The following EFNB2 variants were observed in gnomAD, a reference collection of about 807,000 sequenced individuals.
EFNB2 encodes the protein ephrin B2.
A neutral mutation model predicts 32.1 loss-of-function variants in EFNB2; 5 were observed. The observed-to-expected ratio is 0.16, with a 90% CI of 0.08 to 0.33. EFNB2 has a LOEUF of 0.33. Among genes scored for constraint, EFNB2 ranks in the 10% least tolerant of loss-of-function variants. EFNB2 has a pLI of 1.00. For missense variants in EFNB2, 263 were observed against 422.6 expected, an observed-to-expected ratio of 0.62 and a Z score of 3.31; for synonymous variants, 168 against 166.5, an observed-to-expected ratio of 1.01 and a Z score of -0.07.
chr13:106,512,392 A>AAGGG (rs140231935), intron 2 of EFNB2, 137 bp downstream of exon 2: 46 of 301,352 alleles, frequency 1.5e-4, no homozygotes, highest in South Asian at 2.5e-4. Context: ...AAAAAAAAAA[A>AAGGG]GGGGGGGGGG....
intron 2 of EFNB2, among the ~76,000 whole-genome samples, chr13:106,508,134 C>T (rs1023441182): frequency 3.3e-5 from 5 of 151,994 alleles, no homozygotes; most frequent in Admixed American, 1.3e-4. Flanking sequence ...TGCAAAGGGT[C>T]GACACACCAA....
chr13:106,512,527 A>G lies in EFNB2; in HGVS notation c.406+2T>C. The G allele has an allele frequency of 6.4e-7, 1 of 1,555,052 alleles. No homozygotes were observed. The highest frequency in any genetic ancestry group is 8.8e-7 in the Non-Finnish European group (1 of 1,141,806). On this transcript the variant is annotated splice_donor_variant, in intron 2 of 4. Transcript: ENST00000646441. LOFTEE classifies it high-confidence loss of function. ...AAAATAAATGAATAAAATTATACTTACATATAATGTAATAATCTTTGTTCT... is the reference window on the plus strand; with the variant it reads ...AAAATAAATGAATAAAATTATACTTGCATATAATGTAATAATCTTTGTTCT...
intron 2 of EFNB2, among the ~76,000 whole-genome samples, chr13:106,507,206 G>A (rs972982703): frequency 6.6e-6 from 1 of 152,008 alleles, no homozygotes; most frequent in Admixed American, 6.6e-5. Flanking sequence ...ATTTAATGAT[G>A]GAAATGTGGC....
chr13:106,491,055 T>TAA lies in EFNB2; in HGVS notation c.*1984_*1985insTT. On this transcript the variant is annotated 3_prime_UTR_variant, in exon 5 of 5. Transcript: ENST00000646441. ...AAGTAGGTTTCCTGTTTACTCTTCT[T>TAA]GTTTCCCAGAAGGGAGGGGGTGCGG... 6.6e-6 allele frequency: 1 copy of TAA among 152,118 alleles called. No individual in the cohort carries two copies. The highest frequency in any genetic ancestry group is 1.9e-4 in the East Asian group (1 of 5,164). 9.4% of individuals were successfully genotyped at this position (152,118 alleles called of 1,614,324 possible).
At chr13:106,525,186 T>C (rs889008931) in intron 1 of EFNB2, among the ~76,000 whole-genome samples, 1 of 152,216 alleles carries the variant, frequency 6.6e-6, no homozygotes, top group African/African-American at 2.4e-5. Context: ...TATTATGTTA[T>C]TGTCCCTATT....
At position 106,522,641 on chromosome 13, in the gene EFNB2, T is replaced by G. The variant is rs181686426; in HGVS notation, c.123-9829A>C. Among the ~76,000 whole-genome samples, 34 of 152,300 alleles carry G rather than the reference T, an allele frequency of 2.2e-4. No individual in the cohort carries two copies. In the East Asian group the frequency reaches 6.6e-3, roughly 29 times the overall value. ...AATCTAGAGTTAGGGAGAGCATATCTTTTGTTTTAACCCTCTGCCCATCCC... is the reference window on the plus strand; with the variant it reads ...AATCTAGAGTTAGGGAGAGCATATCGTTTGTTTTAACCCTCTGCCCATCCC... On this transcript the variant is annotated intron_variant, in intron 1 of 4. Coordinates refer to ENST00000646441, the MANE Select transcript of EFNB2 (RefSeq NM_004093.4).
intron 1 of EFNB2, among the ~76,000 whole-genome samples, chr13:106,522,667 T>C (rs1354918820): frequency 6.6e-6 from 1 of 150,424 alleles, no homozygotes; most frequent in Admixed American, 6.7e-5. Flanking sequence ...TGCCCATCCC[T>C]TTCCTTCCTA....
At chr13:106,522,182 G>A (rs1450295305) in intron 1 of EFNB2, among the ~76,000 whole-genome samples, 1 of 152,114 alleles carries the variant, frequency 6.6e-6, no homozygotes, top group Non-Finnish European at 1.5e-5. Flanking sequence ...GAGAAGGGGG[G>A]TGATCTCACA....
rs546868520 is a variant in EFNB2 at position 106,523,140 on chromosome 13, C to T, written c.123-10328G>A. On this transcript the variant is annotated intron_variant, in intron 1 of 4. Transcript: ENST00000646441. ...GTATGACAGGAGACATTTTCCTGCA[C>T]GTCTCAGGGCTTTGCCACAGCCCGT... is the stretch of plus-strand genomic sequence containing the variant. Among the ~76,000 whole-genome samples, 21 of 152,170 alleles carry T rather than the reference C, an allele frequency of 1.4e-4. No individual in the cohort carries two copies. The South Asian group carries it at 2.7e-3, about 20-fold the overall frequency.
intron 1 of EFNB2, among the ~76,000 whole-genome samples, chr13:106,531,066 G>A (rs1879854017): frequency 6.6e-6 from 1 of 152,170 alleles, no homozygotes; most frequent in South Asian, 2.1e-4. Flanking sequence ...TGGAAATGTT[G>A]GAGTCATCTG....
Position 106,493,413 on chromosome 13 carries a change from C to T in EFNB2, c.629G>A (p.Gly210Asp), listed in dbSNP as rs774806191. 6.2e-7 allele frequency: 1 copy of T among 1,612,394 alleles called. No homozygotes were observed. The highest frequency in any genetic ancestry group is 8.5e-7 in the Non-Finnish European group (1 of 1,178,888). ...VKPNPGSSTD[G>D]NSAGHSGNNI... Reference sequence around the variant, plus strand: ...GTTCCCCGAATGTCCGGCGCTGTTGCCGTCTGTGCTAGAACCTGCAGACGC... The same window carrying T: ...GTTCCCCGAATGTCCGGCGCTGTTGTCGTCTGTGCTAGAACCTGCAGACGC... The change falls in exon 5 of 5, where the codon GGC becomes GAC. Residue 210 changes from glycine to aspartate, a missense_variant. Gly to Asp is a moderately conservative substitution (Grantham distance 94). Transcript: ENST00000646441. This position sits in a 1 kb window ranked among gnomAD's most constrained non-coding sequence, Gnocchi z 6.1.
chr13:106,517,255 G>C (rs1322118727), intron 1 of EFNB2: 1 of 152,204 alleles, frequency 6.6e-6, no homozygotes, highest in South Asian at 2.1e-4. Flanking sequence ...TGTGTGTTCA[G>C]ATAATGTTCA....
rs935897874 is a variant in EFNB2 at position 106,491,942 on chromosome 13, C to A, written c.*1098G>T. On this transcript the variant is annotated 3_prime_UTR_variant, in exon 5 of 5. Coordinates refer to ENST00000646441, the MANE Select transcript of EFNB2 (RefSeq NM_004093.4). ...AGTCTGCTTAAAAAATCATCCAAAG[C>A]AGACCGACTCTCCTACAGCTCGGAG... 2 of 152,590 alleles carry A rather than the reference C, an allele frequency of 1.3e-5. No individual in the cohort carries two copies. Among genetic ancestry groups the A allele is most frequent in the Non-Finnish European group, 2.9e-5 (2 of 68,044 alleles). 9.5% of individuals were successfully genotyped at this position (152,590 alleles called of 1,614,324 possible).
chr13:106,523,161 C>T (rs1336377569), intron 1 of EFNB2, among the ~76,000 whole-genome samples: 1 of 152,072 alleles, frequency 6.6e-6, no homozygotes, highest in Non-Finnish European at 1.5e-5. Flanking sequence ...TTTGCCACAG[C>T]CCGTGAAGTT....
Position 106,534,926 on chromosome 13 carries a change from C to T in EFNB2, c.39G>A (p.Trp13Ter). Reference protein sequence around the residue: ...VRRDSVWKYCWGVLMVLCRTA... With the variant: ...VRRDSVWKYC ...TTCTGCATAAAACCATCAAAACACC[C>T]CAGCAGTACTTCCACACGGAGTCCC... The change falls in exon 1 of 5, where the codon TGG becomes TGA. Residue 13 changes from tryptophan (W) to a stop codon, truncating the protein, a stop_gained. Transcript: ENST00000646441. LOFTEE classifies it high-confidence loss of function. 1 of 1,613,670 alleles carries T rather than the reference C, an allele frequency of 6.2e-7. No individual in the cohort carries two copies. The highest frequency in any genetic ancestry group is 8.5e-7 in the Non-Finnish European group (1 of 1,179,746).
intron 1 of EFNB2, among the ~76,000 whole-genome samples, chr13:106,522,371 T>C (rs1160569033): frequency 6.6e-6 from 1 of 152,246 alleles, no homozygotes; most frequent in Non-Finnish European, 1.5e-5. Flanking sequence ...AAGGTGGAAC[T>C]CCTGTTATTT....
intron 2 of EFNB2, chr13:106,510,022 T>C (rs900591333): frequency 1.5e-4 from 23 of 152,310 alleles, no homozygotes; most frequent in Admixed American, 1.5e-3. Context: ...CAAAGCAACA[T>C]TCAAATAGCC....
At chr13:106,520,620 T>C (rs1305909673) in intron 1 of EFNB2, 2 of 152,234 alleles carry the variant, frequency 1.3e-5, no homozygotes, top group Admixed American at 6.5e-5. Context: ...CAGTCTTGCA[T>C]GTCTTCCATT....
chr13:106,502,327 G>A (rs1369265329), intron 2 of EFNB2, among the ~76,000 whole-genome samples: 1 of 152,156 alleles, frequency 6.6e-6, no homozygotes, highest in Non-Finnish European at 1.5e-5. Context: ...GACTGAAGAT[G>A]TTATCAAGTA....
Sources: gnomAD v4.1 joint callset for allele counts (sites outside exome capture counted in the v4.1 genomes callset) on GRCh38, gnomAD v4.1.1 for gene constraint, Gnocchi (gnomAD v3.1) non-coding constraint, MANE v1.5 for transcripts, NCBI Gene and HGNC (gene_info 2026-07-23, HGNC 2026-07-21) for gene names.